The following FKBP4 variants were observed in gnomAD, a reference collection of about 807,000 sequenced individuals.
FKBP4 encodes the protein peptidyl-prolyl cis-trans isomerase FKBP4.
A neutral mutation model predicts 54.1 loss-of-function variants in FKBP4; 28 were observed. The ratio of observed to expected loss-of-function variants is 0.52; its 90% CI spans 0.38 to 0.71. The LOEUF is 0.71. Ranked by LOEUF, FKBP4 falls within the 30% of genes least tolerant of loss-of-function variation. The pLI, the probability that FKBP4 is intolerant of heterozygous loss-of-function variation, is 0.00. For synonymous variants in FKBP4, 223 were observed against 216.1 expected (o/e 1.03, Z -0.28); for missense variants, 493 against 574.4 (o/e 0.86, Z 1.45).
At chr12:2,799,042 A>G in intron 4 of FKBP4, 46 bp from the exon 5 acceptor site, 1 of 1,519,996 alleles carries the variant, frequency 6.6e-7, no homozygotes, top group Admixed American at 2.2e-5. Flanking sequence ...TTCCTCAGTC[A>G]CCTGCCCTCT....
intron 9 of FKBP4, 129 bp downstream of exon 9, chr12:2,801,485 A>G (rs1015414342): frequency 7.7e-7 from 1 of 1,305,772 alleles, no homozygotes; most frequent in Non-Finnish European, 1.1e-6. Flanking sequence ...CTGGAGCATT[A>G]AGGAGCACGT....
In FKBP4 at chr12:2,800,561, T is replaced by C. The variant is rs539277079; in HGVS notation, c.1016T>C (p.Ile339Thr). ...AAACTACAGGCCTTCTCTGCTGCCA[T>C]TGAAAGCTGTAACAAGGTGAGGCCC... ...HLKLQAFSAA[I>T]ESCNKALELD... Residue 339 changes from isoleucine (I) to threonine (T), a missense_variant, in exon 8 of 10, where the codon ATT (isoleucine) becomes ACT (threonine). Transcript: ENST00000001008. 53 of 1,611,126 alleles carry C rather than the reference T, an allele frequency of 3.3e-5. No homozygotes were observed. Among genetic ancestry groups the C allele is most frequent in the Non-Finnish European group, 3.9e-5 (46 of 1,178,884 alleles).
At position 2,796,940 on chromosome 12, in the gene FKBP4, G is replaced by C. The variant is rs2153919251; in HGVS notation, c.106-198G>C. Reference sequence around the variant, plus strand: ...TGTCTCCTTTTTCAAACCAAGTCTTGCTGCACCTCAAGAAAGACAAGAAGG... The same window carrying C: ...TGTCTCCTTTTTCAAACCAAGTCTTCCTGCACCTCAAGAAAGACAAGAAGG... On this transcript the variant is annotated intron_variant, in intron 1 of 9. Coordinates refer to ENST00000001008, the MANE Select transcript of FKBP4 (RefSeq NM_002014.4). The C allele has an allele frequency of 2.2e-6, 3 of 1,366,554 alleles. No individual in the cohort carries two copies. The East Asian group carries it at 8.3e-5, about 38-fold the overall frequency. 84.7% of individuals were successfully genotyped at this position (1,366,554 alleles called of 1,614,324 possible). A position where few individuals can be genotyped will look rare whatever the true frequency, so the allele number is the denominator to read the frequency against.
rs894813177 is a variant in FKBP4 at position 2,805,123 on chromosome 12, A to C, written c.*1865A>C. 3.5e-5 allele frequency: 16 copies of C among 455,332 alleles called. 1 individual carries two copies. In the Admixed American group the frequency reaches 3.8e-4, roughly 11 times the overall value. The allele number at this position is 455,332 out of a possible 1,614,324, so 28.2% of individuals were successfully genotyped here. A position where few individuals can be genotyped will look rare whatever the true frequency, so the allele number is the denominator to read the frequency against. ...CACATGAGTGAAACTGAATCCTTGC[A>C]ACCATCCTACAAAGAAGGTATAACT... On this transcript the variant is annotated 3_prime_UTR_variant, in exon 10 of 10. Coordinates refer to ENST00000001008, the MANE Select transcript of FKBP4 (RefSeq NM_002014.4).
At chr12:2,800,215 A>T in intron 7 of FKBP4, 93 bp downstream of exon 7, 2 of 1,477,224 alleles carry the variant, frequency 1.4e-6, no homozygotes, top group Admixed American at 3.5e-5. Flanking sequence ...TTCTGCCAAG[A>T]AGTGGACAGG....
At position 2,803,186 on chromosome 12, in the gene FKBP4, T is replaced by C. The variant is rs760287046; in HGVS notation, c.1308T>C (p.Thr436=). The C allele has an allele frequency of 1.2e-6, 2 of 1,606,946 alleles. No homozygotes were observed. Among genetic ancestry groups the C allele is most frequent in the South Asian group, 2.2e-5 (2 of 89,562 alleles). ...KAEASSGDHP[T]DTEMKEEQKS... is the part of the protein sequence containing the mutation. ...AGGCTTCCTCAGGAGACCATCCCAC[T>C]GACACAGAGATGAAGGAGGAGCAGA... The change falls in exon 10 of 10, where the codon ACT becomes ACC. Residue 436 remains threonine, a synonymous_variant. Coordinates refer to ENST00000001008, the MANE Select transcript of FKBP4 (RefSeq NM_002014.4).
chr12:2,797,289 G>A lies in FKBP4; in HGVS notation c.250+7G>A, dbSNP rs371045149. On this transcript the variant is annotated splice_region_variant and intron_variant, in intron 2 of 9. Transcript: ENST00000001008. ...TCCTTTGACCTGGGAAAAGGTAGGC[G>A]TGGTCAGTGGGCTGGTAGGATAGGT... The A allele has an allele frequency of 9.7e-5, 156 of 1,613,744 alleles. No individual in the cohort carries two copies. The highest frequency in any genetic ancestry group is 1.2e-4 in the Non-Finnish European group (145 of 1,179,830).
chr12:2,798,566 A>G lies in FKBP4; in HGVS notation c.394-140A>G. 1 of 1,414,090 alleles carries G rather than the reference A, an allele frequency of 7.1e-7. No homozygotes were observed. The highest frequency in any genetic ancestry group is 9.7e-7 in the Non-Finnish European group (1 of 1,032,908). 87.6% of individuals were successfully genotyped at this position (1,414,090 alleles called of 1,614,324 possible). A position where few individuals can be genotyped will look rare whatever the true frequency, so the allele number is the denominator to read the frequency against. On this transcript the variant is annotated intron_variant, in intron 3 of 9. Coordinates refer to ENST00000001008, the MANE Select transcript of FKBP4 (RefSeq NM_002014.4). The surrounding 1 kb of genome is among the most constrained non-coding windows in gnomAD (Gnocchi z 4.3). ...CTCCCAAGAACTGAAAAAAAGTGCC[A>G]CTCTACCCAACTCCTTGTGACTGCC...
In FKBP4 at chr12:2,798,723, T is replaced by C. The variant is rs1362500821; in HGVS notation, c.411T>C (p.Phe137=). The C allele has an allele frequency of 6.2e-7, 1 of 1,613,840 alleles. No homozygotes were observed. The highest frequency in any genetic ancestry group is 8.5e-7 in the Non-Finnish European group (1 of 1,180,030). The part of the protein sequence containing the change: ...TLVFEVELFE[F]KGEDLTEEED... ...TCCCACAGGTGGAGTTGTTTGAGTT[T>C]AAGGGAGAAGATCTGACGGAAGAGG... Residue 137 remains phenylalanine (F), a synonymous_variant, in exon 4 of 10, where the codon TTT becomes TTC. Coordinates refer to ENST00000001008, the MANE Select transcript of FKBP4 (RefSeq NM_002014.4). The surrounding 1 kb of genome is among the most constrained non-coding windows in gnomAD (Gnocchi z 4.3).
chr12:2,798,980 C>T lies in FKBP4; in HGVS notation c.515-108C>T. The T allele has an allele frequency of 7.1e-7, 1 of 1,412,958 alleles. No individual in the cohort carries two copies. Among genetic ancestry groups the T allele is most frequent in the South Asian group, 1.3e-5 (1 of 74,150 alleles). The allele number at this position is 1,412,958 out of a possible 1,614,324, so 87.5% of individuals were successfully genotyped here. On this transcript the variant is annotated intron_variant, in intron 4 of 9. Coordinates refer to ENST00000001008, the MANE Select transcript of FKBP4 (RefSeq NM_002014.4). The surrounding 1 kb of genome is among the most constrained non-coding windows in gnomAD (Gnocchi z 4.3). Reference sequence around the variant, plus strand: ...CTTCATATCACTCCAGATTTGAGAACACAGGAGAATCTTGGGATGATGGGG... The same window carrying T: ...CTTCATATCACTCCAGATTTGAGAATACAGGAGAATCTTGGGATGATGGGG...
chr12:2,799,057 A>G (rs1286418413), intron 4 of FKBP4, 31 bp from the exon 5 acceptor site: 1 of 1,518,946 alleles, frequency 6.6e-7, no homozygotes, highest in South Asian at 1.3e-5. Context: ...CCCTCTTACA[A>G]CTCTGGTACA....
Position 2,796,627 on chromosome 12 carries a change from T to C in FKBP4, c.106-511T>C, listed in dbSNP as rs1023884069. 35 of 1,147,896 alleles carry C rather than the reference T, an allele frequency of 3.0e-5. No homozygotes were observed. In the East Asian group the frequency reaches 2.1e-3, roughly 69 times the overall value. The allele number at this position is 1,147,896 out of a possible 1,614,324, so 71.1% of individuals were successfully genotyped here. A position where few individuals can be genotyped will look rare whatever the true frequency, so the allele number is the denominator to read the frequency against. ...CCTATAACCTGGTTTCTTCCTTACCTGTTTTGAACTGTTTCTATTCTCTTC... is the reference window on the plus strand; with the variant it reads ...CCTATAACCTGGTTTCTTCCTTACCCGTTTTGAACTGTTTCTATTCTCTTC... On this transcript the variant is annotated intron_variant, in intron 1 of 9. Transcript: ENST00000001008.
rs763377920 is a variant in FKBP4, at chr12:2,798,662, A to G, written c.394-44A>G. On this transcript the variant is annotated intron_variant, in intron 3 of 9. Coordinates refer to ENST00000001008, the MANE Select transcript of FKBP4 (RefSeq NM_002014.4). This position sits in a 1 kb window ranked among gnomAD's most constrained non-coding sequence, Gnocchi z 4.3. ...TGAGAAAGATTGTGTTTCACTGCCC[A>G]TGAGTTAGCATGGGAAGGAATTGTG... 5 of 1,611,744 alleles carry G rather than the reference A, an allele frequency of 3.1e-6. No homozygotes were observed. The African/African-American group carries it at 5.3e-5, about 17-fold the overall frequency.
intron 9 of FKBP4, among the ~76,000 whole-genome samples, chr12:2,802,733 T>C (rs1438544618): frequency 1.3e-5 from 2 of 152,150 alleles, no homozygotes; most frequent in Non-Finnish European, 2.9e-5. Context: ...GTGTTCTGTT[T>C]TGTTTTGTTT....
rs1261799393 is a variant in FKBP4 at position 2,798,266 on chromosome 12, G to T, written c.393+395G>T. Among the ~76,000 whole-genome samples the T allele has an allele frequency of 6.6e-6, 1 of 152,208 alleles. No homozygotes were observed. The highest frequency in any genetic ancestry group is 2.4e-5 in the African/African-American group (1 of 41,458). ...CCCTGTGGGTCAAGGGCTGAGAAAAGGCTTCACTGAGGAGATAGAACTTGA... is the reference window on the plus strand; with the variant it reads ...CCCTGTGGGTCAAGGGCTGAGAAAATGCTTCACTGAGGAGATAGAACTTGA... On this transcript the variant is annotated intron_variant, in intron 3 of 9. Coordinates refer to ENST00000001008, the MANE Select transcript of FKBP4 (RefSeq NM_002014.4). This position sits in a 1 kb window ranked among gnomAD's most constrained non-coding sequence, Gnocchi z 4.3.
intron 1 of FKBP4, chr12:2,796,210 C>A: frequency 7.8e-7 from 1 of 1,288,544 alleles, no homozygotes; most frequent in South Asian, 1.2e-5. Context: ...GCGTGTGCGG[C>A]ACCCACCTCA....
intron 2 of FKBP4, 98 bp downstream of exon 2, chr12:2,797,380 G>GT: frequency 7.3e-7 from 1 of 1,375,892 alleles, no homozygotes. Flanking sequence ...GGGAGGAATG[G>GT]TTTATCACAG....
chr12:2,796,084 C>G (rs2097901670), intron 1 of FKBP4: 2 of 1,193,524 alleles, frequency 1.7e-6, no homozygotes, highest in African/African-American at 3.2e-5. Context: ...GACAACCTGC[C>G]TTGGGTCGGA....
intron 7 of FKBP4, 81 bp from the exon 8 acceptor site, chr12:2,800,311 T>C (rs1284064802): frequency 3.5e-5 from 52 of 1,472,984 alleles, no homozygotes; most frequent in Non-Finnish European, 4.6e-5. Flanking sequence ...CTTGTGGCCA[T>C]GTGTCACTGA....
Sources: gnomAD v4.1 joint callset for allele counts (sites outside exome capture counted in the v4.1 genomes callset) on GRCh38, gnomAD v4.1.1 for gene constraint, Gnocchi (gnomAD v3.1) non-coding constraint, MANE v1.5 for transcripts, NCBI Gene and HGNC (gene_info 2026-07-23, HGNC 2026-07-21) for gene names.